ZNF462: variants seen among roughly 807,000 people sequenced by gnomAD.
The protein encoded by ZNF462 is zinc finger PBX1-interacting protein.
ZNF462 carries 10 observed loss-of-function variants against 201.9 expected under a neutral mutation model. That is an observed-to-expected ratio of 0.05 (90% CI 0.03 to 0.08). The LOEUF (loss-of-function observed/expected upper bound fraction) is 0.08. Among genes scored for constraint, ZNF462 ranks in the 10% least tolerant of loss-of-function variants. ZNF462 has a pLI of 1.00. For missense variants in ZNF462, 2,523 were observed against 3,168.3 expected (o/e 0.80, Z 4.89); for synonymous variants, 1,227 against 1,193.3 (o/e 1.03, Z -0.58).
rs946287259 is a variant in ZNF462, at chr9:107,010,339, C to T, written c.7314-484C>T. Among the ~76,000 whole-genome samples the T allele has an allele frequency of 2.0e-5, 3 of 152,070 alleles. No individual in the cohort carries two copies. In the South Asian group the frequency reaches 6.2e-4, roughly 32 times the overall value. On this transcript the variant is annotated intron_variant, in intron 12 of 12. Coordinates refer to ENST00000277225, the MANE Select transcript of ZNF462 (RefSeq NM_021224.6). This position sits in a 1 kb window ranked among gnomAD's most constrained non-coding sequence, Gnocchi z 4.6. Reference sequence around the variant, plus strand: ...CTTCCCGAGACATGGGTTCCATCTTCAGGTTTTTGTTTTTAGTTTGTTTTC... The same window carrying T: ...CTTCCCGAGACATGGGTTCCATCTTTAGGTTTTTGTTTTTAGTTTGTTTTC...
upstream of ZNF462, among the ~76,000 whole-genome samples, chr9:106,860,582 C>A (rs1412111076): frequency 6.6e-6 from 1 of 152,186 alleles, no homozygotes; most frequent in Non-Finnish European, 1.5e-5. The surrounding 1 kb of genome is among the most constrained non-coding windows in gnomAD (Gnocchi z 7.1). Context: ...GATTTTATCG[C>A]AGCCTCCAAA....
intron 1 of ZNF462, among the ~76,000 whole-genome samples, chr9:106,906,002 C>G (rs1465625564): frequency 6.6e-6 from 1 of 152,172 alleles, no homozygotes; most frequent in Admixed American, 6.5e-5. Context: ...GGCCACCCTC[C>G]CAATGGATCC....
rs1474939068 is a variant in ZNF462 at position 106,963,285 on chromosome 9, G to A, written c.6428-8720G>A. 1.3e-5 allele frequency among the ~76,000 whole-genome samples: 2 copies of A among 152,088 alleles called. No homozygotes were observed. Among genetic ancestry groups the A allele is most frequent in the Non-Finnish European group, 2.9e-5 (2 of 67,984 alleles). ...AATTTTTTAAATCAGCAGACTTCTT[G>A]AGTCTGAGAATCATCTTGATAGCTC... On this transcript the variant is annotated intron_variant, in intron 7 of 12. Transcript: ENST00000277225. The surrounding 1 kb of genome is among the most constrained non-coding windows in gnomAD (Gnocchi z 4.7).
intron 1 of ZNF462, among the ~76,000 whole-genome samples, chr9:106,908,211 T>C (rs972729875): frequency 4.6e-5 from 7 of 152,146 alleles, no homozygotes; most frequent in Admixed American, 4.6e-4. Flanking sequence ...GAATATGAAA[T>C]GTACCTCTTA....
intron 7 of ZNF462, among the ~76,000 whole-genome samples, chr9:106,946,907 C>T (rs1227686604): frequency 2.0e-5 from 3 of 152,190 alleles, no homozygotes; most frequent in African/African-American, 7.2e-5. Flanking sequence ...AAATTACATA[C>T]ATTCTGATTG....
chr9:106,949,069 T>G (rs1205226382), intron 7 of ZNF462, among the ~76,000 whole-genome samples: 1 of 152,172 alleles, frequency 6.6e-6, no homozygotes, highest in Non-Finnish European at 1.5e-5. Context: ...AAAATCAAGA[T>G]TACAGACTGC....
chr9:106,890,312 C>T lies in ZNF462; in HGVS notation c.-31+26957C>T, dbSNP rs1032564838. Among the ~76,000 whole-genome samples, 18 of 152,176 alleles carry T rather than the reference C, an allele frequency of 1.2e-4. No homozygotes were observed. The highest frequency in any genetic ancestry group is 3.3e-4 in the Admixed American group (5 of 15,282). On this transcript the variant is annotated intron_variant, in intron 1 of 12. Transcript: ENST00000277225. The surrounding 1 kb of genome is among the most constrained non-coding windows in gnomAD (Gnocchi z 4.2). Reference sequence around the variant, plus strand: ...TGGACCTCAAGAATTTCAGTCAACCCGGCAACACATGCAGTGCCCCTTCCG... The same window carrying T: ...TGGACCTCAAGAATTTCAGTCAACCTGGCAACACATGCAGTGCCCCTTCCG...
At chr9:106,868,192 A>G (rs765795838) in intron 1 of ZNF462, among the ~76,000 whole-genome samples, 4 of 152,170 alleles carry the variant, frequency 2.6e-5, no homozygotes, top group Non-Finnish European at 4.4e-5. Context: ...TTAATTGATT[A>G]TGAGAAAACA....
intron 10 of ZNF462, chr9:106,995,454 C>G (rs1313721219): frequency 6.6e-6 from 1 of 152,078 alleles, no homozygotes; most frequent in African/African-American, 2.4e-5. Context: ...TTTCTCATTC[C>G]TGTGTTCAGC....
intron 10 of ZNF462, among the ~76,000 whole-genome samples, chr9:107,001,174 C>T (rs987000020): frequency 1.3e-5 from 2 of 152,122 alleles, no homozygotes; most frequent in Admixed American, 1.3e-4. Flanking sequence ...TACTTCTCTT[C>T]AAATATGTTT....
rs78603534 is a variant in ZNF462, at chr9:106,870,961, A to G, written c.-31+7606A>G. Among the ~76,000 whole-genome samples the G allele has an allele frequency of 0.043, 6,585 of 152,234 alleles. 184 individuals carry two copies. The highest frequency in any genetic ancestry group is 0.067 in the Non-Finnish European group (4,526 of 68,012). On this transcript the variant is annotated intron_variant, in intron 1 of 12. Coordinates refer to ENST00000277225, the MANE Select transcript of ZNF462 (RefSeq NM_021224.6). The surrounding 1 kb of genome is among the most constrained non-coding windows in gnomAD (Gnocchi z 4.3). Reference sequence around the variant, plus strand: ...ATGCCATTATTCTTCAGTTTTGCTCATGTCAGCTGAGTGTTTCTCTTTTGA... The same window carrying G: ...ATGCCATTATTCTTCAGTTTTGCTCGTGTCAGCTGAGTGTTTCTCTTTTGA...
chr9:106,862,617 C>G (rs1827106444), upstream of ZNF462, among the ~76,000 whole-genome samples: 5 of 152,008 alleles, frequency 3.3e-5, no homozygotes, highest in South Asian at 1.0e-3. This position sits in a 1 kb window ranked among gnomAD's most constrained non-coding sequence, Gnocchi z 4.2. Context: ...CCTCTGCCGC[C>G]GCCACCTCCT....
chr9:106,953,192 C>T (rs1370823966), intron 7 of ZNF462, among the ~76,000 whole-genome samples: 1 of 152,184 alleles, frequency 6.6e-6, no homozygotes, highest in Non-Finnish European at 1.5e-5. Flanking sequence ...CTGCTAGACT[C>T]AGTGTTCTGC....
intron 7 of ZNF462, among the ~76,000 whole-genome samples, chr9:106,943,372 G>T (rs1046982747): frequency 6.6e-6 from 1 of 152,120 alleles, no homozygotes; most frequent in Non-Finnish European, 1.5e-5. Flanking sequence ...TGTACTTATT[G>T]TCTGTCATAT....
rs185586699 is a variant in ZNF462 at position 106,999,086 on chromosome 9, C to A, written c.7057-4208C>A. ...ACAATCCACCCTTCAAGAACATATA[C>A]GGCTTCTTTTGCCTGCAGAAAGAGC... On this transcript the variant is annotated intron_variant, in intron 10 of 12. Coordinates refer to ENST00000277225, the MANE Select transcript of ZNF462 (RefSeq NM_021224.6). Among the ~76,000 whole-genome samples, 6 of 152,266 alleles carry A rather than the reference C, an allele frequency of 3.9e-5. No individual in the cohort carries two copies. The East Asian group carries it at 9.7e-4, about 24-fold the overall frequency.
intron 1 of ZNF462, among the ~76,000 whole-genome samples, chr9:106,894,589 G>A (rs1448396910): frequency 1.3e-5 from 2 of 152,154 alleles, no homozygotes; most frequent in Non-Finnish European, 2.9e-5. Context: ...ACCTCAAGGT[G>A]AGTACCAATG....
At chr9:106,863,640 G>C (rs1827156187) in intron 1 of ZNF462, among the ~76,000 whole-genome samples, 1 of 152,038 alleles carries the variant, frequency 6.6e-6, no homozygotes, top group South Asian at 2.1e-4. Flanking sequence ...GGTGGTAGTG[G>C]TGGCAGTGGA....
intron 7 of ZNF462, among the ~76,000 whole-genome samples, chr9:106,944,528 C>G (rs527475451): frequency 6.6e-6 from 1 of 152,312 alleles, no homozygotes; most frequent in Non-Finnish European, 1.5e-5. Context: ...ATTAGGGTCA[C>G]TAGCATTTCC....
intron 10 of ZNF462, among the ~76,000 whole-genome samples, chr9:106,994,611 T>G (rs978380342): frequency 6.6e-6 from 1 of 152,272 alleles, no homozygotes; most frequent in Admixed American, 6.5e-5. Flanking sequence ...GCCATTTCGT[T>G]TCTGCTTTCC....
Sources: allele counts gnomAD v4.1 joint callset (sites outside exome capture counted in the v4.1 genomes callset), GRCh38; gene constraint gnomAD v4.1.1; non-coding constraint Gnocchi (gnomAD v3.1); transcripts MANE v1.5; gene names NCBI Gene and HGNC (gene_info 2026-07-23, HGNC 2026-07-21).